Variants in AEBP2 observed in about 807,000 individuals in gnomAD.
AEBP2 encodes the protein zinc finger protein AEBP2.
AEBP2 carries 10 observed loss-of-function variants against 50.8 expected under a neutral mutation model. The observed-to-expected ratio is 0.20, with a 90% CI of 0.12 to 0.33. The LOEUF is 0.33. AEBP2 is among the 10% of genes least tolerant of loss of function. AEBP2 has a pLI of 1.00. For missense variants in AEBP2, 570 were observed against 688.0 expected, an observed-to-expected ratio of 0.83 and a Z score of 1.92; for synonymous variants, 296 against 261.3, an observed-to-expected ratio of 1.13 and a Z score of -1.28.
chr12:19,453,023 T>G (rs1203878943), intron 1 of AEBP2, among the ~76,000 whole-genome samples: 1 of 142,328 alleles, frequency 7.0e-6, no homozygotes, highest in African/African-American at 2.6e-5. Context: ...TGGAATGCAG[T>G]AGTAGCATGA....
chr12:19,487,758 T>G (rs12227977), intron 3 of AEBP2, among the ~76,000 whole-genome samples: 3,232 of 152,158 alleles, frequency 0.021, 41 homozygotes, highest in East Asian at 0.042. Context: ...AGGGAGCATT[T>G]AAAAAAGTGA....
At chr12:19,414,959 G>A (rs2095741440) in intron 1 of AEBP2, among the ~76,000 whole-genome samples, 1 of 150,400 alleles carries the variant, frequency 6.6e-6, no homozygotes, top group African/African-American at 2.4e-5. Context: ...AAATCCCAGA[G>A]AACCTTCAGG....
Position 19,493,812 on chromosome 12 carries a change from G to A in AEBP2, c.1000G>A (p.Gly334Ser). 6.2e-7 allele frequency: 1 copy of A among 1,613,518 alleles called. No homozygotes were observed. Residue 334 changes from glycine to serine, a missense_variant, in exon 4 of 8, where the codon GGC becomes AGC. Around this residue, in one of 2 missense-constraint regions of AEBP2, gnomAD observed 184 missense variants for 351.2 expected, o/e 0.52. Transcript: ENST00000266508. ...TATTTTCTTTTAGTGTGTTGTTGGT[G>A]GCTGCAATGCCAGCTTTGCTTCTCA... ...GDKPFKCVVG[G>S]CNASFASQGG...
At chr12:19,515,558 T>C (rs61912795) in intron 7 of AEBP2, among the ~76,000 whole-genome samples, 10,922 of 152,274 alleles carry the variant, frequency 0.072, 475 homozygotes, top group South Asian at 0.2. Context: ...AAAACCAGCT[T>C]TTAAAAGGCA....
At chr12:19,449,809 T>C (rs1484230075) in intron 1 of AEBP2, among the ~76,000 whole-genome samples, 1 of 152,254 alleles carries the variant, frequency 6.6e-6, no homozygotes, top group Non-Finnish European at 1.5e-5. Flanking sequence ...CCATATATTT[T>C]ACTTGCCTTA....
intron 1 of AEBP2, among the ~76,000 whole-genome samples, chr12:19,417,929 T>G (rs1320082613): frequency 6.6e-6 from 1 of 152,060 alleles, no homozygotes; most frequent in African/African-American, 2.4e-5. Context: ...TGTCTCAATC[T>G]CCTGACCTCT....
intron 6 of AEBP2, among the ~76,000 whole-genome samples, chr12:19,514,201 T>C (rs1420325555): frequency 6.6e-6 from 1 of 152,082 alleles, no homozygotes; most frequent in Non-Finnish European, 1.5e-5. Context: ...GGTTTCACCA[T>C]GTTGGCCAGT....
At chr12:19,514,104 A>G (rs1368104314) in intron 6 of AEBP2, among the ~76,000 whole-genome samples, 2 of 151,706 alleles carry the variant, frequency 1.3e-5, no homozygotes, top group African/African-American at 2.4e-5. Context: ...GGTTCAAGCG[A>G]TTCTTGTGCC....
At chr12:19,486,033 A>G (rs1004118998) in intron 3 of AEBP2, among the ~76,000 whole-genome samples, 1 of 150,436 alleles carries the variant, frequency 6.6e-6, no homozygotes, top group African/African-American at 2.5e-5. Flanking sequence ...TAACAGTTTA[A>G]TGATTTGTTT....
chr12:19,440,469 C>G, intron 1 of AEBP2, 99 bp downstream of exon 1: 3 of 1,411,620 alleles, frequency 2.1e-6, no homozygotes, highest in Non-Finnish European at 2.8e-6. Context: ...TCCCCCTGCT[C>G]CCCGAATCCT....
chr12:19,501,872 C>T (rs190857860), intron 5 of AEBP2, among the ~76,000 whole-genome samples: 365 of 127,412 alleles, frequency 2.9e-3, no homozygotes, highest in Admixed American at 4.7e-3. Flanking sequence ...ACAGGTTCTG[C>T]GACCGTGGTT....
chr12:19,507,316 A>G (rs957021969), intron 5 of AEBP2, among the ~76,000 whole-genome samples: 1 of 152,206 alleles, frequency 6.6e-6, no homozygotes, highest in Non-Finnish European at 1.5e-5. Flanking sequence ...TAACTTGCAT[A>G]TGCTTTCATT....
At chr12:19,433,651 G>C (rs1195669436) in intron 1 of AEBP2, among the ~76,000 whole-genome samples, 1 of 151,446 alleles carries the variant, frequency 6.6e-6, no homozygotes, top group Non-Finnish European at 1.5e-5. Context: ...GTGATGGCAG[G>C]CGCCTGTGAT....
intron 1 of AEBP2, among the ~76,000 whole-genome samples, chr12:19,422,383 G>C (rs544647277): frequency 1.3e-5 from 2 of 152,086 alleles, no homozygotes; most frequent in Non-Finnish European, 2.9e-5. Flanking sequence ...GTTATAGTTT[G>C]AAATGCCCTA....
At position 19,503,902 on chromosome 12, in the gene AEBP2, G is replaced by A. The variant is rs568553607; in HGVS notation, c.1299+3681G>A. Among the ~76,000 whole-genome samples, 4 of 151,994 alleles carry A rather than the reference G, an allele frequency of 2.6e-5. No individual in the cohort carries two copies. In the Middle Eastern group the frequency reaches 0.014, roughly 521 times the overall value. ...GCTGGAGTGCAGTGGCACAAACATG[G>A]CTCACTGTAGCCTCAATCTCCTGGG... On this transcript the variant is annotated intron_variant, in intron 5 of 7. Coordinates refer to ENST00000266508, the MANE Select transcript of AEBP2 (RefSeq NM_153207.5).
chr12:19,454,113 A>G (rs550497507), intron 1 of AEBP2, among the ~76,000 whole-genome samples: 2 of 151,330 alleles, frequency 1.3e-5, no homozygotes, highest in African/African-American at 4.9e-5. Flanking sequence ...CTGATCTCCA[A>G]CTCCTGAGCT....
chr12:19,489,364 ATC>A (rs1384974037), intron 3 of AEBP2, among the ~76,000 whole-genome samples: 3 of 152,152 alleles, frequency 2.0e-5, no homozygotes, highest in Non-Finnish European at 4.4e-5. Flanking sequence ...AAACCATCAG[ATC>A]TTGTGAGAAC....
intron 3 of AEBP2, among the ~76,000 whole-genome samples, chr12:19,473,599 T>C (rs1471965146): frequency 6.6e-6 from 1 of 152,070 alleles, no homozygotes; most frequent in Non-Finnish European, 1.5e-5. Flanking sequence ...AGAGATGGTG[T>C]TTCACCATGT....
chr12:19,453,510 G>A (rs1034561436), intron 1 of AEBP2, among the ~76,000 whole-genome samples: 12 of 150,878 alleles, frequency 8.0e-5, no homozygotes, highest in Admixed American at 6.6e-5. Flanking sequence ...TGTAGCCTCC[G>A]CTTCCTGGGT....
Sources: gnomAD v4.1 joint callset for allele counts (sites outside exome capture counted in the v4.1 genomes callset) on GRCh38, gnomAD v4.1.1 for gene constraint, gnomAD v4.1.1 regional missense constraint, MANE v1.5 for transcripts, NCBI Gene and HGNC (gene_info 2026-07-23, HGNC 2026-07-21) for gene names.